Variants in GALNT14 observed in about 807,000 individuals in gnomAD.
GALNT14 encodes polypeptide N-acetylgalactosaminyltransferase 14.
Under a neutral mutation model 77.5 loss-of-function variants are expected in GALNT14, and 60 were observed. The observed-to-expected ratio is 0.77, with a 90% CI of 0.63 to 0.96. The LOEUF is 0.96. GALNT14 is among the 40% of genes least tolerant of loss of function. GALNT14 has a pLI of 0.00. For synonymous variants in GALNT14, 280 were observed against 281.7 expected (o/e 0.99, Z 0.06); for missense variants, 710 against 731.0 (o/e 0.97, Z 0.33).
At chr2:31,061,523 A>G (rs1299879598) in intron 1 of GALNT14, among the ~76,000 whole-genome samples, 2 of 152,152 alleles carry the variant, frequency 1.3e-5, no homozygotes, top group Admixed American at 1.3e-4. Context: ...CCTAAAACCA[A>G]ACAATGACCA....
intron 1 of GALNT14, among the ~76,000 whole-genome samples, chr2:30,994,980 G>C (rs1383344001): frequency 6.6e-6 from 1 of 152,136 alleles, no homozygotes; most frequent in Non-Finnish European, 1.5e-5. Context: ...ACAGCTTCTT[G>C]AGTAAGGTGT....
At chr2:30,972,876 C>T (rs542017550) in intron 2 of GALNT14, among the ~76,000 whole-genome samples, 2 of 152,318 alleles carry the variant, frequency 1.3e-5, no homozygotes, top group East Asian at 3.9e-4. Context: ...GCCACGGGTA[C>T]ATCCTAAACA....
intron 1 of GALNT14, among the ~76,000 whole-genome samples, chr2:31,067,238 G>C (rs1229102593): frequency 1.3e-5 from 2 of 152,176 alleles, no homozygotes; most frequent in African/African-American, 2.4e-5. Flanking sequence ...TCAGTGCTCT[G>C]TGCTGCAGAG....
intron 2 of GALNT14, among the ~76,000 whole-genome samples, chr2:30,981,608 G>A (rs1668995182): frequency 6.6e-6 from 1 of 151,884 alleles, no homozygotes; most frequent in South Asian, 2.1e-4. Context: ...GGGCCCTGGA[G>A]TCCTGTTAGG....
chr2:31,102,532 C>A (rs1294609093), intron 1 of GALNT14, among the ~76,000 whole-genome samples: 2 of 151,344 alleles, frequency 1.3e-5, no homozygotes, highest in Non-Finnish European at 3.0e-5. Context: ...ATTTTTTCTA[C>A]CTTTTGGGAT....
At chr2:31,012,954 A>G (rs746943340) in intron 1 of GALNT14, among the ~76,000 whole-genome samples, 2 of 151,936 alleles carry the variant, frequency 1.3e-5, no homozygotes, top group Non-Finnish European at 1.5e-5. Flanking sequence ...GGAATAAAGA[A>G]TGATAAAACT....
chr2:31,008,660 C>G (rs1670827634), intron 1 of GALNT14, among the ~76,000 whole-genome samples: 2 of 152,186 alleles, frequency 1.3e-5, no homozygotes, highest in African/African-American at 2.4e-5. Flanking sequence ...GAGAGGCAGC[C>G]AGCATGAGTG....
rs752782072 is a variant in GALNT14 at position 30,966,239 on chromosome 2, G to C, written c.363C>G (p.Asn121Lys). The change falls in exon 3 of 15, where the codon AAC becomes AAG. Residue 121 changes from asparagine (N) to lysine (K), a missense_variant. Transcript: ENST00000349752. ...TCCTGAGCAGCGTGGAGCGGGCCTC[G>C]TTGTGGAAGGTGATGATGATGCTAG... The part of the protein sequence containing the change: ...PPTSIIITFH[N>K]EARSTLLRTI... The C allele has an allele frequency of 5.6e-6, 9 of 1,614,030 alleles. No individual in the cohort carries two copies. The East Asian group carries it at 6.7e-5, about 12-fold the overall frequency.
chr2:30,997,611 G>C (rs1027660394), intron 1 of GALNT14, among the ~76,000 whole-genome samples: 5 of 152,174 alleles, frequency 3.3e-5, no homozygotes, highest in African/African-American at 1.2e-4. Context: ...TTTCTGACTA[G>C]AATTTATTCA....
chr2:30,971,238 G>A (rs776003693), intron 2 of GALNT14, among the ~76,000 whole-genome samples: 4 of 152,176 alleles, frequency 2.6e-5, no homozygotes, highest in African/African-American at 4.8e-5. Context: ...TTAGGGGCAC[G>A]AGGGAATGGA....
intron 1 of GALNT14, among the ~76,000 whole-genome samples, chr2:31,051,225 G>A (rs527593204): frequency 9.8e-5 from 15 of 152,294 alleles, no homozygotes; most frequent in South Asian, 2.1e-4. Flanking sequence ...AAGGCATGAC[G>A]GTGAATGTTA....
intron 1 of GALNT14, among the ~76,000 whole-genome samples, chr2:31,104,408 G>A (rs1040277121): frequency 1.3e-5 from 2 of 152,070 alleles, no homozygotes; most frequent in African/African-American, 4.8e-5. Flanking sequence ...ATACTCCAGT[G>A]CATGCCTCCC....
chr2:31,074,667 G>A (rs567549333), intron 1 of GALNT14, among the ~76,000 whole-genome samples: 1 of 152,100 alleles, frequency 6.6e-6, no homozygotes, highest in Non-Finnish European at 1.5e-5. Context: ...GTTCTAAGAG[G>A]GAGACATAGA....
intron 1 of GALNT14, among the ~76,000 whole-genome samples, chr2:31,038,382 CCGCACCCAG>C (rs1672896630): frequency 6.6e-6 from 1 of 151,958 alleles, no homozygotes; most frequent in Non-Finnish European, 1.5e-5. Flanking sequence ...GTGTGAGCCA[CCGCACCCAG>C]CATTACCATT....
intron 1 of GALNT14, among the ~76,000 whole-genome samples, chr2:31,122,878 C>A (rs1346095188): frequency 6.6e-6 from 1 of 152,164 alleles, no homozygotes; most frequent in Non-Finnish European, 1.5e-5. Context: ...TAAAGGAATT[C>A]GGCTCCAATA....
At chr2:31,086,512 G>T (rs1676438615) in intron 1 of GALNT14, among the ~76,000 whole-genome samples, 1 of 151,432 alleles carries the variant, frequency 6.6e-6, no homozygotes, top group Admixed American at 6.6e-5. Flanking sequence ...CAAACATAAA[G>T]ATAGAAGTCA....
At chr2:31,122,176 C>A (rs888220051) in intron 1 of GALNT14, among the ~76,000 whole-genome samples, 2 of 152,132 alleles carry the variant, frequency 1.3e-5, no homozygotes, top group Non-Finnish European at 2.9e-5. Flanking sequence ...CTAGGAAGGC[C>A]GGCCACTGGA....
chr2:30,933,072 G>C (rs1479147425), intron 9 of GALNT14, among the ~76,000 whole-genome samples: 1 of 152,186 alleles, frequency 6.6e-6, no homozygotes, highest in East Asian at 1.9e-4. Flanking sequence ...TCTGCCCTGA[G>C]AAGGAAGTGG....
chr2:30,971,913 C>T (rs528620953), intron 2 of GALNT14, among the ~76,000 whole-genome samples: 5 of 152,280 alleles, frequency 3.3e-5, no homozygotes, highest in African/African-American at 4.8e-5. Context: ...TAACGGAGAG[C>T]GTGATGATGA....
Sources: gnomAD v4.1 joint callset for allele counts (sites outside exome capture counted in the v4.1 genomes callset) on GRCh38, gnomAD v4.1.1 for gene constraint, MANE v1.5 for transcripts, NCBI Gene and HGNC (gene_info 2026-07-23, HGNC 2026-07-21) for gene names.